The following RPTOR variants were observed in gnomAD, a reference collection of about 807,000 sequenced individuals.
The protein encoded by RPTOR is regulatory-associated protein of mTOR.
RPTOR carries 21 observed loss-of-function variants against 169.9 expected under a neutral mutation model. The ratio of observed to expected loss-of-function variants is 0.12; its 90% CI spans 0.09 to 0.18. The LOEUF (loss-of-function observed/expected upper bound fraction) is 0.18, where lower values mean the gene tolerates loss of function less well. RPTOR is among the 10% of genes least tolerant of loss of function. The probability of loss-of-function intolerance (pLI) is 1.00; values close to 1 mark genes in which losing one functional copy is unlikely to be tolerated. For synonymous variants in RPTOR, 732 were observed against 753.2 expected, an observed-to-expected ratio of 0.97 and a Z score of 0.46; for missense variants, 1,133 against 1,855.9, an observed-to-expected ratio of 0.61 and a Z score of 7.16.
intron 6 of RPTOR, among the ~76,000 whole-genome samples, chr17:80,758,485 A>G (rs963608344): frequency 1.3e-4 from 20 of 152,130 alleles, no homozygotes; most frequent in Non-Finnish European, 4.4e-5. Context: ...CTTCATCAGA[A>G]CCGTGTTTTA....
At chr17:80,944,990 CAAAAA>C (rs530408210) in intron 25 of RPTOR, among the ~76,000 whole-genome samples, 1 of 93,088 alleles carries the variant, frequency 1.1e-5, no homozygotes, top group Non-Finnish European at 2.2e-5. Context: ...GACTCCATCT[CAAAAA>C]AAAAAAAAAA....
intron 4 of RPTOR, among the ~76,000 whole-genome samples, chr17:80,714,702 A>G (rs1458102140): frequency 6.6e-6 from 1 of 152,238 alleles, no homozygotes; most frequent in East Asian, 1.9e-4. Context: ...AGAAAGATAC[A>G]TTTTAGAAAT....
intron 2 of RPTOR, among the ~76,000 whole-genome samples, chr17:80,637,324 C>T (rs1345205616): frequency 6.6e-6 from 1 of 152,216 alleles, no homozygotes; most frequent in Non-Finnish European, 1.5e-5. Context: ...GCTGTGGAGT[C>T]AGCTCGTGAG....
At chr17:80,729,313 A>T (rs764601066) in intron 4 of RPTOR, among the ~76,000 whole-genome samples, 1 of 152,184 alleles carries the variant, frequency 6.6e-6, no homozygotes, top group East Asian at 1.9e-4. Context: ...GATTTTTGCC[A>T]ATTTCTGGGA....
chr17:80,761,943 A>G (rs534621332), intron 6 of RPTOR, among the ~76,000 whole-genome samples: 3 of 152,150 alleles, frequency 2.0e-5, no homozygotes, highest in African/African-American at 7.2e-5. Flanking sequence ...AGGCAAGTTT[A>G]ATTTGGAATT....
intron 24 of RPTOR, among the ~76,000 whole-genome samples, chr17:80,932,778 A>G (rs946702614): frequency 6.6e-6 from 1 of 152,200 alleles, no homozygotes; most frequent in African/African-American, 2.4e-5. Flanking sequence ...GATCCAGCAA[A>G]GATCCCAAAT....
At chr17:80,825,614 C>T (rs567000492) in intron 9 of RPTOR, among the ~76,000 whole-genome samples, 4 of 152,224 alleles carry the variant, frequency 2.6e-5, no homozygotes, top group Admixed American at 6.5e-5. Context: ...TTATCGGTTG[C>T]ACTAGAGAAT....
At chr17:80,613,575 C>T (rs1329282839) in intron 1 of RPTOR, among the ~76,000 whole-genome samples, 1 of 152,084 alleles carries the variant, frequency 6.6e-6, no homozygotes, top group African/African-American at 2.4e-5. Flanking sequence ...GGTTGAATGA[C>T]GCTGTGTTGG....
chr17:80,959,997 G>T lies in RPTOR; in HGVS notation c.3478-81G>T. On this transcript the variant is annotated intron_variant, in intron 29 of 33. Transcript: ENST00000306801. The surrounding 1 kb of genome is among the most constrained non-coding windows in gnomAD (Gnocchi z 6.7). The stretch of plus-strand genomic sequence containing the variant: ...ATCCCCACAGCCAGGCAGGCAGCAA[G>T]AGGGGTCCTGGCGCTGCAGGACAGC... 7.1e-6 allele frequency: 11 copies of T among 1,553,888 alleles called. No homozygotes were observed. Among genetic ancestry groups the T allele is most frequent in the Non-Finnish European group, 8.8e-6 (10 of 1,136,044 alleles).
chr17:80,634,556 CTG>C (rs1275387566), intron 2 of RPTOR, among the ~76,000 whole-genome samples: 23 of 72,158 alleles, frequency 3.2e-4, no homozygotes, highest in South Asian at 8.5e-4. Context: ...TGTGTGCATA[CTG>C]TGTGTGTGCA....
Position 80,947,399 on chromosome 17 carries a change from G to C in RPTOR, c.3265+48G>C. The C allele has an allele frequency of 6.7e-7, 1 of 1,490,704 alleles. No individual in the cohort carries two copies. The highest frequency in any genetic ancestry group is 8.9e-7 in the Non-Finnish European group (1 of 1,120,656). The allele number at this position is 1,490,704 out of a possible 1,614,324, so 92.3% of individuals were successfully genotyped here. A position where few individuals can be genotyped will look rare whatever the true frequency, so the allele number is the denominator to read the frequency against. ...GGATTGGAAGCCAGGGTCTGGAGGAGTGGCGGGGAGGGTGTGTGATCCTGA... is the reference window on the plus strand; with the variant it reads ...GGATTGGAAGCCAGGGTCTGGAGGACTGGCGGGGAGGGTGTGTGATCCTGA... On this transcript the variant is annotated intron_variant, in intron 27 of 33. Transcript: ENST00000306801. The surrounding 1 kb of genome is among the most constrained non-coding windows in gnomAD (Gnocchi z 4.4).
intron 6 of RPTOR, among the ~76,000 whole-genome samples, chr17:80,777,705 C>G (rs539015621): frequency 6.6e-6 from 1 of 152,246 alleles, no homozygotes; most frequent in African/African-American, 2.4e-5. Context: ...GACGCCTGCG[C>G]CGACTCCAGC....
intron 7 of RPTOR, among the ~76,000 whole-genome samples, chr17:80,798,147 A>G (rs11654508): frequency 0.22 from 33,161 of 152,188 alleles, 4,595 homozygotes; most frequent in East Asian, 0.39. Context: ...GCCTGTCACC[A>G]ATGTGCCCCG....
At chr17:80,827,704 C>A (rs2067459743) in intron 9 of RPTOR, among the ~76,000 whole-genome samples, 1 of 152,132 alleles carries the variant, frequency 6.6e-6, no homozygotes, top group South Asian at 2.1e-4. Context: ...AGTCGCAGAG[C>A]CCAGGGAGCA....
chr17:80,566,193 A>G (rs1231115505), intron 1 of RPTOR, among the ~76,000 whole-genome samples: 1 of 152,180 alleles, frequency 6.6e-6, no homozygotes, highest in African/African-American at 2.4e-5. Context: ...AGCTGTAGGG[A>G]TTAAGCAGGA....
intron 3 of RPTOR, among the ~76,000 whole-genome samples, chr17:80,669,630 C>T (rs960888766): frequency 7.9e-5 from 12 of 151,914 alleles, no homozygotes; most frequent in African/African-American, 1.9e-4. Flanking sequence ...GTGATCCGCC[C>T]GCCTTGGCCT....
chr17:80,662,148 A>T (rs1237004138), intron 3 of RPTOR, among the ~76,000 whole-genome samples: 3 of 152,126 alleles, frequency 2.0e-5, no homozygotes, highest in African/African-American at 7.2e-5. Flanking sequence ...TCAAAGCAAG[A>T]TGGAGATCAT....
intron 1 of RPTOR, among the ~76,000 whole-genome samples, chr17:80,608,527 C>T (rs750348245): frequency 2.0e-5 from 3 of 152,028 alleles, no homozygotes; most frequent in Admixed American, 6.6e-5. Flanking sequence ...AAGTAGGTGG[C>T]GGTGGGGGTA....
chr17:80,708,380 G>A lies in RPTOR; in HGVS notation c.507+381G>A, dbSNP rs1372950989. ...ATCGGTGATTTTCTTAGAAAATAAA[G>A]TGTTTTATATATTCTAAAGGGCTAA... is the stretch of plus-strand genomic sequence containing the variant. On this transcript the variant is annotated intron_variant, in intron 4 of 33. Transcript: ENST00000306801. This position sits in a 1 kb window ranked among gnomAD's most constrained non-coding sequence, Gnocchi z 4.2. Among the ~76,000 whole-genome samples the A allele has an allele frequency of 1.3e-5, 2 of 152,366 alleles. No individual in the cohort carries two copies. The highest frequency in any genetic ancestry group is 2.1e-4 in the South Asian group (1 of 4,828).
Sources: allele counts gnomAD v4.1 joint callset (sites outside exome capture counted in the v4.1 genomes callset), GRCh38; gene constraint gnomAD v4.1.1; non-coding constraint Gnocchi (gnomAD v3.1); transcripts MANE v1.5; gene names NCBI Gene and HGNC (gene_info 2026-07-23, HGNC 2026-07-21).